The following BMPR1A variants were observed in gnomAD, a reference collection of about 807,000 sequenced individuals.
BMPR1A encodes bone morphogenetic protein receptor type-1A.
Under a neutral mutation model 66.0 loss-of-function variants are expected in BMPR1A, and 7 were observed. The observed-to-expected ratio is 0.11, with a 90% CI of 0.06 to 0.20. The LOEUF (loss-of-function observed/expected upper bound fraction) is 0.20, where lower values mean the gene tolerates loss of function less well. Ranked by LOEUF, BMPR1A falls within the 10% of genes least tolerant of loss-of-function variation. The pLI, the probability that BMPR1A is intolerant of heterozygous loss-of-function variation, is 1.00. For missense variants in BMPR1A, 408 were observed against 669.1 expected (o/e 0.61, Z 4.31); for synonymous variants, 200 against 229.7 (o/e 0.87, Z 1.17).
At chr10:86,784,017 G>A (rs1841476790) in intron 1 of BMPR1A, among the ~76,000 whole-genome samples, 3 of 151,986 alleles carry the variant, frequency 2.0e-5, no homozygotes, top group Non-Finnish European at 2.9e-5. Flanking sequence ...CAGTTTTTTT[G>A]TGAAACCCTT....
At chr10:86,776,190 CGTTT>C (rs1463068299) in intron 1 of BMPR1A, among the ~76,000 whole-genome samples, 2 of 152,084 alleles carry the variant, frequency 1.3e-5, no homozygotes, top group Non-Finnish European at 2.9e-5. Context: ...TATAGTAATA[CGTTT>C]GTTCTTTTAT....
At chr10:86,789,679 C>A (rs1409414520) in intron 1 of BMPR1A, among the ~76,000 whole-genome samples, 2 of 150,192 alleles carry the variant, frequency 1.3e-5, no homozygotes, top group Non-Finnish European at 3.0e-5. Context: ...TGCCACTGCA[C>A]TCCATCCTGG....
chr10:86,848,732 CTTAG>C (rs1842521650), intron 2 of BMPR1A, among the ~76,000 whole-genome samples: 1 of 152,254 alleles, frequency 6.6e-6, no homozygotes, highest in East Asian at 1.9e-4. Flanking sequence ...TTCTCCCAGC[CTTAG>C]TTAGAGCTGC....
intron 1 of BMPR1A, among the ~76,000 whole-genome samples, chr10:86,757,518 G>C (rs1246781486): frequency 1.3e-5 from 2 of 152,072 alleles, no homozygotes; most frequent in African/African-American, 4.8e-5. Flanking sequence ...TCTCTTTCCA[G>C]ACTCCTAGTG....
intron 2 of BMPR1A, among the ~76,000 whole-genome samples, chr10:86,839,863 T>A (rs12783266): frequency 8.0e-4 from 121 of 152,148 alleles, no homozygotes; most frequent in Non-Finnish European, 1.3e-3. Flanking sequence ...TATCCCTCTG[T>A]GTTGCTCAGG....
At chr10:86,781,839 T>C (rs1404786973) in intron 1 of BMPR1A, among the ~76,000 whole-genome samples, 1 of 150,760 alleles carries the variant, frequency 6.6e-6, no homozygotes. Flanking sequence ...ATCCATTTTG[T>C]AGCATATGAC....
At chr10:86,831,056 T>C (rs138867158) in intron 1 of BMPR1A, among the ~76,000 whole-genome samples, 16 of 152,356 alleles carry the variant, frequency 1.1e-4, no homozygotes, top group Non-Finnish European at 1.8e-4. Flanking sequence ...GTTCTTTTTA[T>C]GGCTTCGTTT....
intron 3 of BMPR1A, 55 bp from the exon 4 acceptor site, chr10:86,890,007 G>A (rs1283868532): frequency 2.0e-5 from 32 of 1,594,690 alleles, no homozygotes; most frequent in Admixed American, 3.3e-5. Context: ...AAATTGTCAC[G>A]AAACAATGAG....
chr10:86,810,966 T>C (rs1294129150), intron 1 of BMPR1A, among the ~76,000 whole-genome samples: 7 of 152,184 alleles, frequency 4.6e-5, no homozygotes, highest in African/African-American at 1.7e-4. Flanking sequence ...GGGCGGGTCT[T>C]AAACTCCTGA....
intron 7 of BMPR1A, among the ~76,000 whole-genome samples, chr10:86,911,405 TGAG>T (rs1001001099): frequency 1.3e-5 from 2 of 152,012 alleles, no homozygotes; most frequent in African/African-American, 4.8e-5. Context: ...TACAAATCAA[TGAG>T]GAGAAGAGTT....
intron 2 of BMPR1A, among the ~76,000 whole-genome samples, chr10:86,852,932 A>AT (rs925919127): frequency 3.0e-4 from 46 of 152,286 alleles, no homozygotes; most frequent in African/African-American, 1.0e-3. Context: ...GAAATGATGA[A>AT]TTTTTTAAAA....
chr10:86,917,076 C>T (rs2133573958), intron 8 of BMPR1A, 58 bp from the exon 9 acceptor site: 4 of 1,569,750 alleles, frequency 2.5e-6, no homozygotes, highest in Non-Finnish European at 3.5e-6. Context: ...TACCCCTTTG[C>T]CAGTCTTAAT....
At chr10:86,782,551 G>C (rs977452303) in intron 1 of BMPR1A, among the ~76,000 whole-genome samples, 7 of 152,028 alleles carry the variant, frequency 4.6e-5, no homozygotes, top group African/African-American at 1.7e-4. Flanking sequence ...TAACTGGTGT[G>C]AGGTGATACC....
At chr10:86,833,244 A>G (rs1019005127) in intron 1 of BMPR1A, among the ~76,000 whole-genome samples, 2 of 152,176 alleles carry the variant, frequency 1.3e-5, no homozygotes, top group African/African-American at 4.8e-5. Flanking sequence ...GATTATGGCC[A>G]TTTTAATGGC....
chr10:86,776,350 C>T (rs1473671339), intron 1 of BMPR1A, among the ~76,000 whole-genome samples: 1 of 152,120 alleles, frequency 6.6e-6, no homozygotes, highest in Non-Finnish European at 1.5e-5. Context: ...ACAGGTGTTG[C>T]TAATACTACT....
Position 86,882,084 on chromosome 10 carries a change from G to T in BMPR1A, c.67+5999G>T, listed in dbSNP as rs575306449. Among the ~76,000 whole-genome samples the T allele has an allele frequency of 7.2e-5, 11 of 152,180 alleles. No individual in the cohort carries two copies. In the South Asian group the frequency reaches 2.3e-3, roughly 32 times the overall value. ...GTATTAGCTTCATAATTATATGAAAGGGGGAGGGAGTGAAACAAGAAGGGC... is the reference window on the plus strand; with the variant it reads ...GTATTAGCTTCATAATTATATGAAATGGGGAGGGAGTGAAACAAGAAGGGC... On this transcript the variant is annotated intron_variant, in intron 3 of 12. Transcript: ENST00000372037.
At chr10:86,891,663 T>C (rs945223846) in intron 4 of BMPR1A, among the ~76,000 whole-genome samples, 7 of 151,920 alleles carry the variant, frequency 4.6e-5, no homozygotes, top group Non-Finnish European at 1.0e-4. Flanking sequence ...TTTAGTCCCC[T>C]TTTTTTTGGT....
At chr10:86,855,515 A>G (rs1842628707) in intron 2 of BMPR1A, 3 of 446,494 alleles carry the variant, frequency 6.7e-6, no homozygotes, top group African/African-American at 2.1e-5. Context: ...AAATAGTACT[A>G]TTTTTTGAAA....
intron 3 of BMPR1A, among the ~76,000 whole-genome samples, chr10:86,887,392 A>T (rs903446020): frequency 2.0e-5 from 3 of 152,166 alleles, no homozygotes; most frequent in African/African-American, 4.8e-5. Flanking sequence ...AGGAAGTTTC[A>T]TATAACTTTG....
Sources: allele counts gnomAD v4.1 joint callset (sites outside exome capture counted in the v4.1 genomes callset), GRCh38; gene constraint gnomAD v4.1.1; transcripts MANE v1.5; gene names NCBI Gene and HGNC (gene_info 2026-07-23, HGNC 2026-07-21).